Variants in PTK2B observed in about 807,000 individuals in gnomAD.
The protein encoded by PTK2B is protein tyrosine kinase 2 beta.
PTK2B carries 71 observed loss-of-function variants against 142.9 expected under a neutral mutation model. The ratio of observed to expected loss-of-function variants is 0.50; its 90% CI spans 0.41 to 0.61. PTK2B has a LOEUF of 0.61. PTK2B is among the 20% of genes least tolerant of loss of function. PTK2B has a pLI of 0.00. For synonymous variants in PTK2B, 519 were observed against 503.4 expected (o/e 1.03, Z -0.42); for missense variants, 1,105 against 1,320.4 (o/e 0.84, Z 2.53).
intron 1 of PTK2B, among the ~76,000 whole-genome samples, chr8:27,340,410 A>G (rs1363079312): frequency 2.0e-5 from 3 of 152,224 alleles, no homozygotes; most frequent in African/African-American, 7.2e-5. Flanking sequence ...ATAAGAAGGC[A>G]CTGAAGAAAT....
chr8:27,422,223 G>T, intron 4 of PTK2B, 81 bp from the exon 5 acceptor site: 2 of 1,348,100 alleles, frequency 1.5e-6, no homozygotes, highest in Admixed American at 2.2e-5. Context: ...GCAGAATGAG[G>T]CCCTTAATCT....
chr8:27,439,509 G>C (rs764205906), intron 20 of PTK2B, 111 bp downstream of exon 20: 25 of 1,217,926 alleles, frequency 2.1e-5, no homozygotes, highest in Non-Finnish European at 2.7e-5. Context: ...TCCGTTCCCA[G>C]GGTTCTATTT....
chr8:27,359,014 T>C (rs747316569), intron 1 of PTK2B, among the ~76,000 whole-genome samples: 19 of 152,192 alleles, frequency 1.2e-4, no homozygotes, highest in Non-Finnish European at 1.9e-4. Context: ...ACTGGTATTA[T>C]AGTATTATCT....
chr8:27,320,351 A>G (rs2130617517), intron 3 of PTK2B, among the ~76,000 whole-genome samples: 1 of 152,258 alleles, frequency 6.6e-6, no homozygotes, highest in East Asian at 1.9e-4. Flanking sequence ...AGCTCAATTC[A>G]GACACTATCT....
chr8:27,436,205 T>G (rs1418624139), intron 14 of PTK2B, 46 bp from the exon 15 acceptor site: 2 of 1,587,044 alleles, frequency 1.3e-6, no homozygotes, highest in South Asian at 2.2e-5. Context: ...CCCTAGGGGA[T>G]ACCACCGATC....
At chr8:27,335,128 CTT>C (rs1803981088) in intron 1 of PTK2B, among the ~76,000 whole-genome samples, 1 of 152,222 alleles carries the variant, frequency 6.6e-6, no homozygotes, top group South Asian at 2.1e-4. Context: ...AGTAACTTGA[CTT>C]TGACCTCCAG....
intron 1 of PTK2B, among the ~76,000 whole-genome samples, chr8:27,390,886 G>A (rs1450283638): frequency 6.7e-6 from 1 of 150,190 alleles, no homozygotes; most frequent in Non-Finnish European, 1.5e-5. Context: ...CACACAACGG[G>A]TCCATGGCAG....
intron 5 of PTK2B, among the ~76,000 whole-genome samples, chr8:27,427,460 A>G (rs1446750542): frequency 1.3e-5 from 2 of 152,214 alleles, no homozygotes; most frequent in Non-Finnish European, 2.9e-5. Context: ...GGCACATCAG[A>G]GCTCAATACA....
At chr8:27,451,684 A>G in intron 27 of PTK2B, 175 bp downstream of exon 27, 1 of 1,455,362 alleles carries the variant, frequency 6.9e-7, no homozygotes, top group Non-Finnish European at 9.1e-7. Context: ...CGCTCCCTCC[A>G]CCCCATTCCT....
chr8:27,391,080 CTT>C (rs34857478), intron 1 of PTK2B, among the ~76,000 whole-genome samples: 1,845 of 142,506 alleles, frequency 0.013, 24 homozygotes, highest in Non-Finnish European at 0.017. Flanking sequence ...GGAACAGAAC[CTT>C]TTTTTTTTTT....
At chr8:27,394,130 A>G (rs1380588366) in intron 1 of PTK2B, among the ~76,000 whole-genome samples, 6 of 152,150 alleles carry the variant, frequency 3.9e-5, no homozygotes, top group Non-Finnish European at 5.9e-5. Flanking sequence ...TTATAACACA[A>G]TTGAGGGTAT....
chr8:27,364,236 GATGCACCTCAGGCAGCTCAGAGA>G (rs1805887392), intron 1 of PTK2B, among the ~76,000 whole-genome samples: 1 of 152,186 alleles, frequency 6.6e-6, no homozygotes, highest in South Asian at 2.1e-4. Flanking sequence ...CCTTCCATGC[GATGCACCTCAGGCAGCTCAGAGA>G]ATGCACCTCA....
At chr8:27,407,981 T>C (rs1211395528) in intron 2 of PTK2B, among the ~76,000 whole-genome samples, 1 of 152,228 alleles carries the variant, frequency 6.6e-6, no homozygotes, top group Non-Finnish European at 1.5e-5. Context: ...CATCTAAAAA[T>C]AACTGGAAAT....
In PTK2B at chr8:27,457,345, TA is replaced by T. The variant is rs1305719658; in HGVS notation, c.2815-948del. 2.0e-5 allele frequency among the ~76,000 whole-genome samples: 3 copies of T among 152,352 alleles called. No homozygotes were observed. In the East Asian group the frequency reaches 5.8e-4, roughly 29 times the overall value. ...GAAAAAAAAGACTATCTTCAAATAT[TA>T]CTACTCATTGACAGTGCATCTACTC... On this transcript the variant is annotated intron_variant, in intron 30 of 30. Coordinates refer to ENST00000346049, the MANE Select transcript of PTK2B (RefSeq NM_173176.3).
chr8:27,340,552 A>G (rs1235416021), intron 1 of PTK2B, among the ~76,000 whole-genome samples: 1 of 152,252 alleles, frequency 6.6e-6, no homozygotes. Flanking sequence ...CTCCGGTGAC[A>G]GGAAGCAATA....
chr8:27,375,723 G>A (rs1285944877), intron 1 of PTK2B, among the ~76,000 whole-genome samples: 2 of 152,172 alleles, frequency 1.3e-5, no homozygotes, highest in African/African-American at 4.8e-5. Flanking sequence ...CCCCGAGTGG[G>A]CACCTCCCTC....
intron 1 of PTK2B, among the ~76,000 whole-genome samples, chr8:27,350,112 C>T (rs946746014): frequency 8.5e-5 from 13 of 152,128 alleles, no homozygotes; most frequent in African/African-American, 2.4e-4. Context: ...GATAAAGGTA[C>T]GGGGAAGCAA....
At chr8:27,368,947 C>G (rs966975927) in intron 1 of PTK2B, among the ~76,000 whole-genome samples, 28 of 152,166 alleles carry the variant, frequency 1.8e-4, no homozygotes, top group African/African-American at 6.3e-4. Flanking sequence ...AGGAGTGTCT[C>G]CCCTCTCAGG....
At chr8:27,372,520 G>A (rs11996211) in intron 1 of PTK2B, among the ~76,000 whole-genome samples, 4,299 of 152,214 alleles carry the variant, frequency 0.028, 206 homozygotes, top group African/African-American at 0.094. Context: ...GCCCATTCTC[G>A]TTAGGGAGGT....
Sources: allele counts gnomAD v4.1 joint callset (sites outside exome capture counted in the v4.1 genomes callset), GRCh38; gene constraint gnomAD v4.1.1; transcripts MANE v1.5; gene names NCBI Gene and HGNC (gene_info 2026-07-23, HGNC 2026-07-21).